Variants in SLC2A14 observed in about 807,000 individuals in gnomAD.
The protein encoded by SLC2A14 is solute carrier family 2 member 14.
In SLC2A14, 13 loss-of-function variants were observed where a neutral mutation model predicts 43.0. That is an observed-to-expected ratio of 0.30 (90% CI 0.20 to 0.48). The LOEUF is 0.48. Among genes scored for constraint, SLC2A14 ranks in the 20% least tolerant of loss-of-function variants. The probability of loss-of-function intolerance (pLI) is 0.99; values close to 1 mark genes in which losing one functional copy is unlikely to be tolerated. For missense variants in SLC2A14, 428 were observed against 620.4 expected (o/e 0.69, Z 3.29); for synonymous variants, 190 against 233.8 (o/e 0.81, Z 1.71).
intron 2 of SLC2A14, chr12:7,863,278 C>T (rs1261963174): frequency 1.2e-5 from 5 of 416,304 alleles, no homozygotes; most frequent in African/African-American, 4.2e-5. Flanking sequence ...AGCAAGACCA[C>T]GAACCCACCA....
chr12:7,842,683 G>A (rs1472578478), intron 2 of SLC2A14, among the ~76,000 whole-genome samples: 2 of 150,786 alleles, frequency 1.3e-5, no homozygotes, highest in Non-Finnish European at 2.9e-5. Flanking sequence ...CATGATGACT[G>A]AAGTGCTTAG....
intron 1 of SLC2A14, among the ~76,000 whole-genome samples, chr12:7,882,600 A>AG (rs1945605497): frequency 6.6e-6 from 1 of 152,090 alleles, no homozygotes; most frequent in Non-Finnish European, 1.5e-5. Context: ...TGGGAGGCTG[A>AG]GGCAGGCACG....
At position 7,887,986 on chromosome 12, in the gene SLC2A14, C is replaced by T. The variant is rs780910288; in HGVS notation, c.132+3010G>A. Among the ~76,000 whole-genome samples the T allele has an allele frequency of 1.5e-3, 232 of 152,240 alleles. 1 individual carries two copies. Among genetic ancestry groups the T allele is most frequent in the Middle Eastern group, 0.01 (3 of 294 alleles). ...TCTGGCCCTGTACTTTACAGTCTGT[C>T]TTTGCCTCCTTGGGTTCTCCCACAG... On this transcript the variant is annotated intron_variant, in intron 1 of 9. Transcript: ENST00000539924.
chr12:7,871,222 C>G, intron 1 of SLC2A14: 1 of 1,245,614 alleles, frequency 8.0e-7, no homozygotes, highest in Middle Eastern at 2.8e-4. Flanking sequence ...TGAGGACCAC[C>G]TCCAGGAGCT....
At chr12:7,842,781 T>A (rs188875211) in intron 2 of SLC2A14, among the ~76,000 whole-genome samples, 1,676 of 151,298 alleles carry the variant, frequency 0.011, 31 homozygotes, top group African/African-American at 0.036. Context: ...CAGGCTGGGG[T>A]GCAATGGTGC....
At chr12:7,838,768 A>G (rs1233098941) in intron 2 of SLC2A14, among the ~76,000 whole-genome samples, 1 of 152,216 alleles carries the variant, frequency 6.6e-6, no homozygotes, top group Non-Finnish European at 1.5e-5. Context: ...TTATGGACTA[A>G]ATTGTGTCCT....
intron 2 of SLC2A14, among the ~76,000 whole-genome samples, chr12:7,837,853 G>A (rs10466776): frequency 0.018 from 2,798 of 151,958 alleles, 85 homozygotes; most frequent in African/African-American, 0.063. Flanking sequence ...CACCTCCTGC[G>A]TTCAAGCAAT....
chr12:7,891,177 C>T, upstream of SLC2A14: 1 of 1,515,158 alleles, frequency 6.6e-7, no homozygotes, highest in Non-Finnish European at 8.8e-7. Context: ...GCTCCCAGTG[C>T]AGACCCAGGA....
intron 1 of SLC2A14, among the ~76,000 whole-genome samples, chr12:7,879,609 T>C (rs1228588826): frequency 6.6e-6 from 1 of 151,716 alleles, no homozygotes; most frequent in African/African-American, 2.4e-5. Context: ...GCTTGAACCC[T>C]GGAGGTGGAG....
intron 8 of SLC2A14, 43 bp downstream of exon 8, chr12:7,821,178 G>T: frequency 6.9e-7 from 1 of 1,439,608 alleles, no homozygotes. Context: ...TCTGTAGCAA[G>T]GATTCATTTC....
At chr12:7,831,561 C>A (rs751912651) in intron 4 of SLC2A14, 43 bp downstream of exon 4, 25 of 1,610,254 alleles carry the variant, frequency 1.6e-5, no homozygotes, top group Non-Finnish European at 2.1e-5. Context: ...GTCCCCAATG[C>A]ATCTGGTAGA....
At chr12:7,886,151 C>CTTGTTTTTTTTTT in intron 1 of SLC2A14, among the ~76,000 whole-genome samples, 1 of 44,696 alleles carries the variant, frequency 2.2e-5, no homozygotes, top group Non-Finnish European at 3.9e-5. Flanking sequence ...GCCCGGACAG[C>CTTGTTTTTTTTTT]TTTTTTTTTT....
intron 2 of SLC2A14, among the ~76,000 whole-genome samples, chr12:7,838,194 T>G (rs1283864212): frequency 1.3e-5 from 2 of 151,928 alleles, no homozygotes; most frequent in Non-Finnish European, 2.9e-5. Flanking sequence ...TTCAAGTGAT[T>G]CTCCTGCCTC....
At chr12:7,817,179 G>A (rs181122324) in intron 10 of SLC2A14, among the ~76,000 whole-genome samples, 11 of 151,558 alleles carry the variant, frequency 7.3e-5, no homozygotes, top group Non-Finnish European at 1.2e-4. Flanking sequence ...GCAATGGCCC[G>A]ATCTCAGCTC....
intron 2 of SLC2A14, among the ~76,000 whole-genome samples, chr12:7,842,743 T>C (rs1866078682): frequency 6.6e-6 from 1 of 151,922 alleles, no homozygotes; most frequent in Admixed American, 6.6e-5. Context: ...TTTTGTTTTT[T>C]TTGTGATGGA....
intron 2 of SLC2A14, among the ~76,000 whole-genome samples, chr12:7,868,824 A>G (rs1236836083): frequency 2.0e-5 from 3 of 152,140 alleles, no homozygotes; most frequent in Non-Finnish European, 4.4e-5. Context: ...TCTGGCCAAC[A>G]TGGCGAAACC....
intron 2 of SLC2A14, among the ~76,000 whole-genome samples, chr12:7,866,109 C>T (rs1944892088): frequency 6.6e-6 from 1 of 151,232 alleles, no homozygotes; most frequent in African/African-American, 2.4e-5. Flanking sequence ...CAGCTAATCC[C>T]AGCTACCCAG....
intron 1 of SLC2A14, among the ~76,000 whole-genome samples, chr12:7,878,993 A>AAAAAAC (rs1945515890): frequency 7.3e-6 from 1 of 137,656 alleles, no homozygotes; most frequent in East Asian, 2.1e-4. Flanking sequence ...AAAAAAAAAA[A>AAAAAAC]AAAAAAAAAA....
At chr12:7,881,090 A>G (rs7981016) in intron 1 of SLC2A14, among the ~76,000 whole-genome samples, 151,074 of 152,244 alleles carry the variant, frequency 0.99, 74,976 homozygotes, top group East Asian at 1. Flanking sequence ...AGTAAGCCGA[A>G]ATCGCACTGA....
Sources: allele counts gnomAD v4.1 joint callset (sites outside exome capture counted in the v4.1 genomes callset), GRCh38; gene constraint gnomAD v4.1.1; transcripts MANE v1.5; gene names NCBI Gene and HGNC (gene_info 2026-07-23, HGNC 2026-07-21).